Variants in HELQ observed in about 807,000 individuals in gnomAD.
The protein encoded by HELQ is helicase, POLQ like.
In HELQ, 77 loss-of-function variants were observed where a neutral mutation model predicts 111.6. That is an observed-to-expected ratio of 0.69 (90% CI 0.57 to 0.83). HELQ has a LOEUF of 0.83. Ranked by LOEUF, HELQ falls within the 40% of genes least tolerant of loss-of-function variation. The pLI, the probability that HELQ is intolerant of heterozygous loss-of-function variation, is 0.00. For missense variants in HELQ, 1,200 were observed against 1,288.5 expected, an observed-to-expected ratio of 0.93 and a Z score of 1.05; for synonymous variants, 438 against 454.7, an observed-to-expected ratio of 0.96 and a Z score of 0.47.
intron 3 of HELQ, among the ~76,000 whole-genome samples, chr4:83,447,561 T>C (rs1243251300): frequency 1.3e-5 from 2 of 152,068 alleles, no homozygotes; most frequent in Non-Finnish European, 2.9e-5. Flanking sequence ...ACTGGCGCCT[T>C]TGATACCAAA....
intron 15 of HELQ, among the ~76,000 whole-genome samples, chr4:83,420,707 C>T (rs1041427747): frequency 2.2e-4 from 34 of 152,168 alleles, no homozygotes; most frequent in African/African-American, 7.9e-4. Context: ...ATTGCATGAA[C>T]TCGGGAGGCG....
At chr4:83,431,463 A>G (rs1720146443) in intron 11 of HELQ, among the ~76,000 whole-genome samples, 1 of 152,044 alleles carries the variant, frequency 6.6e-6, no homozygotes, top group Non-Finnish European at 1.5e-5. Context: ...TAACCATTCC[A>G]TGATCTTTTA....
In HELQ at chr4:83,416,838, C is replaced by G; in HGVS notation, c.3091G>C (p.Gly1031Arg). The change falls in exon 17 of 18, where the codon GGT becomes CGT. Residue 1031 changes from glycine (G) to arginine (R), a missense_variant. This residue lies in a region of HELQ where 585 missense variants were observed against 665.3 expected (regional missense o/e 0.88). Coordinates refer to ENST00000295488, the MANE Select transcript of HELQ (RefSeq NM_133636.5). The stretch of plus-strand genomic sequence containing the variant: ...GCTAAGTGCATTAGACTTTTGTAAC[C>G]TGCACTGTATAACTGTTTTGCTCGA... Reference protein sequence around the residue: ...EGRAKQLYSAGYKSLMHLANA... With the variant: ...EGRAKQLYSARYKSLMHLANA... 6.2e-7 allele frequency: 1 copy of G among 1,613,306 alleles called. No homozygotes were observed. The highest frequency in any genetic ancestry group is 8.5e-7 in the Non-Finnish European group (1 of 1,179,650).
intron 3 of HELQ, 131 bp downstream of exon 3, chr4:83,448,652 A>G: frequency 2.7e-6 from 2 of 731,446 alleles, no homozygotes; most frequent in Non-Finnish European, 4.3e-6. Flanking sequence ...CCTGGGTGAC[A>G]GAGCAAGACT....
At chr4:83,407,605 G>C (rs1266483927) in intron 17 of HELQ, 45 bp from the exon 18 acceptor site, 1 of 1,230,816 alleles carries the variant, frequency 8.1e-7, no homozygotes, top group African/African-American at 1.5e-5. Flanking sequence ...TGCATTGCTA[G>C]AGAATTGCCA....
intron 1 of HELQ, 166 bp downstream of exon 1, chr4:83,455,231 T>A: frequency 7.2e-7 from 1 of 1,379,942 alleles, no homozygotes; most frequent in Non-Finnish European, 9.6e-7. Context: ...TTACATTTCA[T>A]ATTTATATAG....
chr4:83,450,722 T>C (rs2110013915), intron 2 of HELQ, among the ~76,000 whole-genome samples: 1 of 151,040 alleles, frequency 6.6e-6, no homozygotes, highest in South Asian at 2.1e-4. Flanking sequence ...TTCCAACCCT[T>C]TGGGAGGCTG....
Position 83,455,519 on chromosome 4 carries a change from G to A in HELQ, c.175C>T (p.Leu59=). ...AGAAGGGGCTGTACCTCAACCGGCAGTACGCCCGCGGTTTTCCGCCTCCTG... is the reference window on the plus strand; with the variant it reads ...AGAAGGGGCTGTACCTCAACCGGCAATACGCCCGCGGTTTTCCGCCTCCTG... ...ENRRRKTAGV[L]PVEVQPLLLS... The change falls in exon 1 of 18, where the codon CTG becomes TTG. Residue 59 remains leucine (L), a synonymous_variant. Coordinates refer to ENST00000295488, the MANE Select transcript of HELQ (RefSeq NM_133636.5). 6.2e-7 allele frequency: 1 copy of A among 1,614,156 alleles called. No individual in the cohort carries two copies. Among genetic ancestry groups the A allele is most frequent in the Non-Finnish European group, 8.5e-7 (1 of 1,180,028 alleles).
intron 2 of HELQ, among the ~76,000 whole-genome samples, chr4:83,450,294 C>T (rs1260441740): frequency 7.8e-6 from 1 of 128,176 alleles, no homozygotes; most frequent in Non-Finnish European, 1.6e-5. Flanking sequence ...TGTCTGTAAT[C>T]CCAGCACTTT....
intron 7 of HELQ, 25 bp downstream of exon 7, chr4:83,441,280 G>T: frequency 7.7e-7 from 1 of 1,297,996 alleles, no homozygotes; most frequent in Non-Finnish European, 1.1e-6. Context: ...CTGGTAACCT[G>T]GAATTTAAAT....
rs2110018390 is a variant in HELQ at position 83,453,699 on chromosome 4, C to A, written c.544G>T (p.Gly182Cys). ...TCAGCTCCAGGTTCAATAGTGACAC[C>A]TTCATATCCACTCTGGTTCTCTGTG... ...KHTENQSGYE[G>C]VTIEPGADLL... Residue 182 changes from glycine (G) to cysteine (C), a missense_variant, in exon 2 of 18, where the codon GGT becomes TGT. Physicochemically the swap from Gly to Cys is radical, Grantham distance 159. This residue lies in a region of HELQ where 610 missense variants were observed against 607.1 expected (regional missense o/e 1.00). Coordinates refer to ENST00000295488, the MANE Select transcript of HELQ (RefSeq NM_133636.5). 1 of 1,614,022 alleles carries A rather than the reference C, an allele frequency of 6.2e-7. No individual in the cohort carries two copies. Among genetic ancestry groups the A allele is most frequent in the East Asian group, 2.2e-5 (1 of 44,880 alleles).
At chr4:83,426,458 AAAG>A in intron 13 of HELQ, among the ~76,000 whole-genome samples, 1 of 152,208 alleles carries the variant, frequency 6.6e-6, no homozygotes, top group East Asian at 1.9e-4. Flanking sequence ...GAGATGGAGA[AAAG>A]AAAAAAAAAC....
chr4:83,421,861 AC>A, intron 14 of HELQ, 125 bp from the exon 15 acceptor site: 1 of 688,102 alleles, frequency 1.5e-6, no homozygotes, highest in Non-Finnish European at 2.5e-6. Flanking sequence ...TTCCATAGAA[AC>A]AAAACTAATT....
intron 16 of HELQ, 89 bp from the exon 17 acceptor site, chr4:83,416,954 A>G (rs1247139470): frequency 1.8e-6 from 2 of 1,119,352 alleles, no homozygotes; most frequent in Non-Finnish European, 2.6e-6. Context: ...CAAAAACTGC[A>G]TGTAAGAGAC....
chr4:83,416,794 C>A lies in HELQ; in HGVS notation c.3135G>T (p.Val1045=). 6.2e-7 allele frequency: 1 copy of A among 1,613,950 alleles called. No individual in the cohort carries two copies. The change falls in exon 17 of 18, where the codon GTG becomes GTT. Residue 1045 remains valine (V), a synonymous_variant. Coordinates refer to ENST00000295488, the MANE Select transcript of HELQ (RefSeq NM_133636.5). ...ATAAATGATCAATTGTCCTTACGAGCACTTCAGGATTTGCATTAGCTAAGT... is the reference window on the plus strand; with the variant it reads ...ATAAATGATCAATTGTCCTTACGAGAACTTCAGGATTTGCATTAGCTAAGT... The part of the protein sequence containing the change: ...LMHLANANPE[V]LVRTIDHLSR...
At position 83,453,883 on chromosome 4, in the gene HELQ, T is replaced by A; in HGVS notation, c.360A>T (p.Ile120=). The stretch of plus-strand genomic sequence containing the variant: ...TTTGTTCCAGGTCGTCAACTTGAGC[T>A]ATAAAGGAGTTTTCAGTAAAGCTAT... ...DYDSFTENSF[I]AQVDDLEQKY... The change falls in exon 2 of 18, where the codon ATA becomes ATT. Residue 120 remains isoleucine (I), a synonymous_variant. Transcript: ENST00000295488. 6 of 1,614,068 alleles carry A rather than the reference T, an allele frequency of 3.7e-6. No individual in the cohort carries two copies. The highest frequency in any genetic ancestry group is 5.1e-6 in the Non-Finnish European group (6 of 1,179,956).
chr4:83,427,427 G>A (rs776792321), intron 13 of HELQ, 136 bp downstream of exon 13: 4 of 561,596 alleles, frequency 7.1e-6, no homozygotes, highest in African/African-American at 2.0e-5. Context: ...GGACAATGTG[G>A]GAAGACTGCT....
At chr4:83,436,803 C>T (rs946780149) in intron 9 of HELQ, 55 bp downstream of exon 9, 39 of 1,552,728 alleles carry the variant, frequency 2.5e-5, no homozygotes, top group African/African-American at 8.3e-5. Context: ...CAAAACTCCT[C>T]GCAAGCTAGA....
At chr4:83,426,145 A>C (rs1719837841) in intron 13 of HELQ, 53 bp from the exon 14 acceptor site, 2 of 893,800 alleles carry the variant, frequency 2.2e-6, no homozygotes, top group Admixed American at 3.8e-5. Flanking sequence ...TGTCATGTGA[A>C]CCAAATCCAG....
Sources: allele counts gnomAD v4.1 joint callset (sites outside exome capture counted in the v4.1 genomes callset), GRCh38; gene constraint gnomAD v4.1.1; regional missense constraint gnomAD v4.1.1; transcripts MANE v1.5; gene names NCBI Gene and HGNC (gene_info 2026-07-23, HGNC 2026-07-21).